Variants in ANKRD36 observed in about 807,000 individuals in gnomAD.
The protein encoded by ANKRD36 is ankyrin repeat domain 36.
In ANKRD36, 179 loss-of-function variants were observed where a neutral mutation model predicts 278.1. The ratio of observed to expected loss-of-function variants is 0.64; its 90% CI spans 0.57 to 0.73. The LOEUF is 0.73. Among genes scored for constraint, ANKRD36 ranks in the 30% least tolerant of loss-of-function variants. The pLI is 0.00. For synonymous variants in ANKRD36, 320 were observed against 641.1 expected (o/e 0.50, Z 7.57); for missense variants, 1,159 against 1,956.7 (o/e 0.59, Z 7.69).
chr2:97,196,326 ATTG>A (rs2059751354), intron 40 of ANKRD36, among the ~76,000 whole-genome samples: 2 of 151,802 alleles, frequency 1.3e-5, no homozygotes, highest in Admixed American at 6.6e-5. Flanking sequence ...GGCCTAAGAC[ATTG>A]ATATTGATAC....
chr2:97,206,119 A>C lies in ANKRD36; in HGVS notation c.3147A>C (p.Gly1049=), dbSNP rs1184673410. Residue 1049 remains glycine, a synonymous_variant, in exon 52 of 76, where the codon GGA becomes GGC. Coordinates refer to ENST00000420699, the MANE Select transcript of ANKRD36 (RefSeq NM_001354587.1). ...GTATAGCCAGAGAAAACAAGGATGG[A>C]GAAAAATCTAGGACAGGTAATTCTG... is the stretch of plus-strand genomic sequence containing the variant. ...VLSIARENKD[G]EKSRTVSSEK... 1 of 1,541,858 alleles carries C rather than the reference A, an allele frequency of 6.5e-7. No individual in the cohort carries two copies. The highest frequency in any genetic ancestry group is 1.4e-5 in the African/African-American group (1 of 72,784).
chr2:97,219,166 C>G lies in ANKRD36; in HGVS notation c.3805-8C>G. ...TGTGCTAATCACTTTGTTTTAAAACCCATTCAGGCTACAATTGAAAATAAA... is the reference window on the plus strand; with the variant it reads ...TGTGCTAATCACTTTGTTTTAAAACGCATTCAGGCTACAATTGAAAATAAA... On this transcript the variant is annotated splice_polypyrimidine_tract_variant and splice_region_variant and intron_variant, in intron 65 of 75. Coordinates refer to ENST00000420699, the MANE Select transcript of ANKRD36 (RefSeq NM_001354587.1). 1 of 1,554,604 alleles carries G rather than the reference C, an allele frequency of 6.4e-7. No homozygotes were observed. Among genetic ancestry groups the G allele is most frequent in the Admixed American group, 2.0e-5 (1 of 51,236 alleles).
chr2:97,194,943 T>C (rs1474676053), intron 40 of ANKRD36, 26 bp downstream of exon 40: 3 of 1,540,230 alleles, frequency 1.9e-6, no homozygotes, highest in Non-Finnish European at 2.6e-6. Context: ...ACATTTAATG[T>C]CATGTTCAGT....
rs1164063603 is a variant in ANKRD36 at position 97,230,257 on chromosome 2, C to T, written c.3952-3473C>T. On this transcript the variant is annotated intron_variant, in intron 67 of 75. Coordinates refer to ENST00000420699, the MANE Select transcript of ANKRD36 (RefSeq NM_001354587.1). The stretch of plus-strand genomic sequence containing the variant: ...TTTTCCACCTTGGTTCCATTCTCCC[C>T]GTGACTTTCAGGTACACCAATCAGA... 2.6e-4 allele frequency among the ~76,000 whole-genome samples: 39 copies of T among 152,070 alleles called. 1 individual carries two copies. The highest frequency in any genetic ancestry group is 4.2e-4 in the South Asian group (2 of 4,788).
chr2:97,142,889 C>G, intron 8 of ANKRD36, 54 bp downstream of exon 8: 1 of 1,498,658 alleles, frequency 6.7e-7, no homozygotes, highest in Non-Finnish European at 8.9e-7. Context: ...AAGAGAACTT[C>G]TGTTCACTGA....
chr2:97,200,650 T>G, intron 46 of ANKRD36, 125 bp downstream of exon 46: 1 of 1,434,408 alleles, frequency 7.0e-7, no homozygotes, highest in African/African-American at 1.4e-5. Flanking sequence ...GATTCTTCTT[T>G]TCTAACAAGT....
chr2:97,194,836 T>G lies in ANKRD36; in HGVS notation c.2479-9T>G. The G allele has an allele frequency of 6.3e-7, 1 of 1,595,394 alleles. No homozygotes were observed. The highest frequency in any genetic ancestry group is 8.5e-7 in the Non-Finnish European group (1 of 1,175,356). The stretch of plus-strand genomic sequence containing the variant: ...CCTTATTTATTATTTTGTTTCAAAT[T>G]CCACTCAGGCTACAAGTGATGAGAA... On this transcript the variant is annotated splice_polypyrimidine_tract_variant and intron_variant, in intron 39 of 75. Coordinates refer to ENST00000420699, the MANE Select transcript of ANKRD36 (RefSeq NM_001354587.1).
chr2:97,118,448 G>A lies in ANKRD36; in HGVS notation c.417G>A (p.Val139=). Residue 139 remains valine (V), a synonymous_variant, in exon 3 of 76, where the codon GTG becomes GTA. Coordinates refer to ENST00000420699, the MANE Select transcript of ANKRD36 (RefSeq NM_001354587.1). The part of the protein sequence containing the change: ...FFGRTALHYA[V]YNEDTSMIEK... ...GAAGGACTGCTCTGCACTACGCTGT[G>A]TATAATGAAGATACATCCATGATAG... The A allele has an allele frequency of 6.2e-7, 1 of 1,605,976 alleles. No homozygotes were observed. Among genetic ancestry groups the A allele is most frequent in the Non-Finnish European group, 8.5e-7 (1 of 1,177,494 alleles).
At chr2:97,201,807 AT>A (rs1213385159) in intron 46 of ANKRD36, among the ~76,000 whole-genome samples, 1 of 151,882 alleles carries the variant, frequency 6.6e-6, no homozygotes, top group Non-Finnish European at 1.5e-5. Flanking sequence ...AATGGTGTAA[AT>A]CCTTTTGATT....
intron 14 of ANKRD36, among the ~76,000 whole-genome samples, chr2:97,152,875 T>C (rs939703254): frequency 2.7e-5 from 4 of 148,042 alleles, no homozygotes; most frequent in African/African-American, 9.7e-5. Flanking sequence ...GGTACTTATT[T>C]ACATCAGATC....
At chr2:97,220,696 A>AC (rs1322001027) in intron 66 of ANKRD36, among the ~76,000 whole-genome samples, 1 of 144,100 alleles carries the variant, frequency 6.9e-6, no homozygotes, top group African/African-American at 2.6e-5. Flanking sequence ...ACATGTCAGG[A>AC]CAGATTTCTC....
At chr2:97,164,595 T>C (rs2153501679) in intron 20 of ANKRD36, 126 bp downstream of exon 20, 2 of 1,020,758 alleles carry the variant, frequency 2.0e-6, no homozygotes, top group Admixed American at 4.8e-5. Flanking sequence ...TATGCTGATG[T>C]TCTTGTTAAT....
rs759425990 is a variant in ANKRD36 at position 97,205,997 on chromosome 2, C to T, written c.3090+29C>T. 34 of 1,548,280 alleles carry T rather than the reference C, an allele frequency of 2.2e-5. No homozygotes were observed. In the Admixed American group the frequency reaches 2.5e-4, roughly 11 times the overall value. On this transcript the variant is annotated intron_variant, in intron 51 of 75. Transcript: ENST00000420699. ...ATGAAACTCCCATTTATATTGTGAA[C>T]GAGTTAATATATGGTCTATGAAACA... is the stretch of plus-strand genomic sequence containing the variant.
At chr2:97,260,347 G>A (rs1365055793) in intron 75 of ANKRD36, among the ~76,000 whole-genome samples, 3 of 117,646 alleles carry the variant, frequency 2.6e-5, no homozygotes, top group Admixed American at 2.0e-4. Context: ...TATTTTAAAA[G>A]ATATATATAT....
At position 97,192,933 on chromosome 2, in the gene ANKRD36, A is replaced by G. The variant is rs759379716; in HGVS notation, c.2376+47A>G. 8.1e-6 allele frequency: 13 copies of G among 1,598,008 alleles called. 1 individual carries two copies. The highest frequency in any genetic ancestry group is 2.2e-5 in the South Asian group (2 of 89,552). On this transcript the variant is annotated intron_variant, in intron 37 of 75. Coordinates refer to ENST00000420699, the MANE Select transcript of ANKRD36 (RefSeq NM_001354587.1). ...TTGTGAATGAGTTAAGGTATGGTCT[A>G]TGAAACATACTTTATTAATTTATTA...
chr2:97,230,276 A>G (rs2071474643), intron 67 of ANKRD36, among the ~76,000 whole-genome samples: 1 of 152,062 alleles, frequency 6.6e-6, no homozygotes, highest in African/African-American at 2.4e-5. Context: ...CAGGTACACC[A>G]ATCAGATGTA....
chr2:97,127,487 AAAAT>A (rs1356643692), intron 6 of ANKRD36, among the ~76,000 whole-genome samples: 1 of 151,960 alleles, frequency 6.6e-6, no homozygotes, highest in Non-Finnish European at 1.5e-5. Context: ...TTTAATTTGT[AAAAT>A]AAATTCTTTG....
At chr2:97,131,770 T>C (rs1159569595) in intron 6 of ANKRD36, among the ~76,000 whole-genome samples, 1 of 151,996 alleles carries the variant, frequency 6.6e-6, no homozygotes, top group Non-Finnish European at 1.5e-5. Flanking sequence ...TGGCTACATA[T>C]ATTTCTATAA....
intron 22 of ANKRD36, among the ~76,000 whole-genome samples, chr2:97,176,147 G>C (rs574891391): frequency 0.02 from 3,031 of 151,926 alleles, 56 homozygotes; most frequent in Non-Finnish European, 0.031. Flanking sequence ...GGTCCACTTG[G>C]TGCAGAGCTG....
Sources: gnomAD v4.1 joint callset for allele counts (sites outside exome capture counted in the v4.1 genomes callset) on GRCh38, gnomAD v4.1.1 for gene constraint, MANE v1.5 for transcripts, NCBI Gene and HGNC (gene_info 2026-07-23, HGNC 2026-07-21) for gene names.